ZNF141: variants seen among roughly 807,000 people sequenced by gnomAD.
The protein encoded by ZNF141 is zinc finger protein 141 (clone pHZ-44).
A neutral mutation model predicts 11.3 loss-of-function variants in ZNF141; 7 were observed. The observed-to-expected ratio is 0.62, with a 90% CI of 0.35 to 1.16. The LOEUF (loss-of-function observed/expected upper bound fraction) is 1.16. Ranked by LOEUF, ZNF141 falls within the 50% of genes most tolerant of loss-of-function variation. ZNF141 has a pLI of 0.02. For missense variants in ZNF141, 535 were observed against 554.0 expected (o/e 0.97, Z 0.34); for synonymous variants, 183 against 190.7 (o/e 0.96, Z 0.33).
rs1712808627 is a variant in ZNF141, at chr4:384,260, C to T, written c.*10398C>T. On this transcript the variant is annotated 3_prime_UTR_variant, in exon 4 of 4. Coordinates refer to ENST00000240499, the MANE Select transcript of ZNF141 (RefSeq NM_003441.4). ...CTGGAGGGCAAGGCTGTGAGGAGAT[C>T]TGAAGACATGGTGCTCTCTCTTCCT... The T allele has an allele frequency of 6.6e-6, 1 of 152,192 alleles. No homozygotes were observed. Among genetic ancestry groups the T allele is most frequent in the African/African-American group, 2.4e-5 (1 of 41,452 alleles). 9.4% of individuals were successfully genotyped at this position (152,192 alleles called of 1,614,324 possible). A position where few individuals can be genotyped will look rare whatever the true frequency, so the allele number is the denominator to read the frequency against.
intron 3 of ZNF141, among the ~76,000 whole-genome samples, chr4:362,186 G>A (rs1191945815): frequency 6.6e-6 from 1 of 152,168 alleles, no homozygotes; most frequent in Non-Finnish European, 1.5e-5. Context: ...CTTTTGAGAA[G>A]TGTCTGTTCA....
At chr4:369,397 T>G (rs184342497) in intron 3 of ZNF141, among the ~76,000 whole-genome samples, 1 of 152,296 alleles carries the variant, frequency 6.6e-6, no homozygotes, top group African/African-American at 2.4e-5. Flanking sequence ...TTCTTTCATC[T>G]TGCCTTTTTC....
chr4:338,180 C>T (rs2108677671), intron 1 of ZNF141, 194 bp downstream of exon 1: 1 of 612,876 alleles, frequency 1.6e-6, no homozygotes, highest in Non-Finnish European at 2.7e-6. Flanking sequence ...TGCAGCCCTC[C>T]TTGTGCAGCT....
At chr4:342,118 C>T (rs1279356907) in intron 1 of ZNF141, among the ~76,000 whole-genome samples, 2 of 151,998 alleles carry the variant, frequency 1.3e-5, no homozygotes, top group Non-Finnish European at 2.9e-5. Flanking sequence ...AATTCTGGGC[C>T]CTGCCTTTAA....
intron 1 of ZNF141, among the ~76,000 whole-genome samples, chr4:340,103 T>G (rs1720978135): frequency 6.6e-6 from 1 of 152,244 alleles, no homozygotes; most frequent in Non-Finnish European, 1.5e-5. Flanking sequence ...CTTGCTGTTC[T>G]ATTATTTTGG....
At chr4:359,367 C>T (rs1722003773) in intron 3 of ZNF141, among the ~76,000 whole-genome samples, 2 of 152,140 alleles carry the variant, frequency 1.3e-5, no homozygotes, top group Admixed American at 1.3e-4. Flanking sequence ...GGTGTGGCTC[C>T]TGCTGTTTGG....
chr4:368,858 T>A (rs1711882127), intron 3 of ZNF141, among the ~76,000 whole-genome samples: 1 of 152,252 alleles, frequency 6.6e-6, no homozygotes, highest in African/African-American at 2.4e-5. Context: ...TCATTGTTTC[T>A]TGAAATTCCA....
At chr4:344,252 T>G in intron 2 of ZNF141, 83 bp from the exon 3 acceptor site, 1 of 1,194,552 alleles carries the variant, frequency 8.4e-7, no homozygotes, top group Non-Finnish European at 1.2e-6. Context: ...ATAATATCTC[T>G]ATTCTGCTTA....
chr4:379,937 C>T lies in ZNF141; in HGVS notation c.*6075C>T, dbSNP rs1712539317. ...GAGCTCATAACATTGACTGTGTTAG[C>T]ATTTTCCAAAAATACATTATTGTTA... On this transcript the variant is annotated 3_prime_UTR_variant, in exon 4 of 4. Transcript: ENST00000240499. Among the ~76,000 whole-genome samples, 1 of 152,170 alleles carries T rather than the reference C, an allele frequency of 6.6e-6. No homozygotes were observed. Among genetic ancestry groups the T allele is most frequent in the South Asian group, 2.1e-4 (1 of 4,824 alleles).
At chr4:346,880 C>T (rs1721345607) in intron 3 of ZNF141, among the ~76,000 whole-genome samples, 3 of 120,844 alleles carry the variant, frequency 2.5e-5, no homozygotes, top group African/African-American at 7.3e-5. Context: ...TATATGTATA[C>T]ACACACACAC....
Position 374,042 on chromosome 4 carries a change from C to A in ZNF141, c.*180C>A. ...GAATTCATACCGGAGAGAAACTGTA[C>A]AAATGTGAAGAATATGGCAAAGCCT... On this transcript the variant is annotated 3_prime_UTR_variant, in exon 4 of 4. Transcript: ENST00000240499. 1 of 653,048 alleles carries A rather than the reference C, an allele frequency of 1.5e-6. No individual in the cohort carries two copies. The highest frequency in any genetic ancestry group is 2.9e-5 in the Admixed American group (1 of 34,364). The allele number at this position is 653,048 out of a possible 1,614,324, so 40.5% of individuals were successfully genotyped here.
rs189075288 is a variant in ZNF141 at position 370,054 on chromosome 4, T to C, written c.227-2610T>C. On this transcript the variant is annotated intron_variant, in intron 3 of 3. Coordinates refer to ENST00000240499, the MANE Select transcript of ZNF141 (RefSeq NM_003441.4). The stretch of plus-strand genomic sequence containing the variant: ...TGCTGGGATCACAGGCATGAGCCAC[T>C]GGGCCTGGCCAAAATAATATATTTT... Among the ~76,000 whole-genome samples the C allele has an allele frequency of 1.1e-3, 170 of 151,958 alleles. 6 individuals are homozygous for C. In the East Asian group the frequency reaches 0.03, roughly 27 times the overall value.
At position 379,065 on chromosome 4, in the gene ZNF141, G is replaced by A. The variant is rs1041248891; in HGVS notation, c.*5203G>A. On this transcript the variant is annotated 3_prime_UTR_variant, in exon 4 of 4. Coordinates refer to ENST00000240499, the MANE Select transcript of ZNF141 (RefSeq NM_003441.4). ...TCACTCTGTTGGCCAGGCTGGTCTC[G>A]AGCTCCTGTCCTCGTGATCCACGCA... Among the ~76,000 whole-genome samples the A allele has an allele frequency of 1.7e-4, 26 of 151,374 alleles. No individual in the cohort carries two copies. The highest frequency in any genetic ancestry group is 1.6e-3 in the Admixed American group (24 of 15,196).
At chr4:370,887 C>T (rs56033331) in intron 3 of ZNF141, among the ~76,000 whole-genome samples, 22,216 of 151,582 alleles carry the variant, frequency 0.15, 2,238 homozygotes, top group African/African-American at 0.28. Context: ...CCCACCACCA[C>T]GCCCAGCTAA....
In ZNF141 at chr4:380,529, G is replaced by A. The variant is rs1290101640; in HGVS notation, c.*6667G>A. Among the ~76,000 whole-genome samples, 1 of 151,974 alleles carries A rather than the reference G, an allele frequency of 6.6e-6. No homozygotes were observed. Among genetic ancestry groups the A allele is most frequent in the Non-Finnish European group, 1.5e-5 (1 of 68,002 alleles). On this transcript the variant is annotated 3_prime_UTR_variant, in exon 4 of 4. Coordinates refer to ENST00000240499, the MANE Select transcript of ZNF141 (RefSeq NM_003441.4). Reference sequence around the variant, plus strand: ...TAGCTGGGTGTGGTGTCAGGCGCCTGTAATCCCAGCTACTCAAGAGGTTGA... The same window carrying A: ...TAGCTGGGTGTGGTGTCAGGCGCCTATAATCCCAGCTACTCAAGAGGTTGA...
rs1308719888 is a variant in ZNF141 at position 373,624 on chromosome 4, A to G, written c.1187A>G (p.Lys396Arg). ...KKIHTGEKPY[K>R]CEECGKAFRR... Reference sequence around the variant, plus strand: ...ATTCATACTGGAGAGAAACCCTACAAATGTGAAGAATGTGGCAAAGCCTTT... The same window carrying G: ...ATTCATACTGGAGAGAAACCCTACAGATGTGAAGAATGTGGCAAAGCCTTT... The change falls in exon 4 of 4, where the codon AAA becomes AGA. Residue 396 changes from lysine to arginine, a missense_variant. Transcript: ENST00000240499. 1.2e-6 allele frequency: 2 copies of G among 1,613,862 alleles called. No homozygotes were observed. The highest frequency in any genetic ancestry group is 1.7e-6 in the Non-Finnish European group (2 of 1,179,976).
At chr4:347,039 CTTT>C (rs201885088) in intron 3 of ZNF141, among the ~76,000 whole-genome samples, 2 of 134,828 alleles carry the variant, frequency 1.5e-5, no homozygotes, top group Non-Finnish European at 1.6e-5. Flanking sequence ...TAGTTTTATT[CTTT>C]TTTTTTTTTT....
rs1553854211 is a variant in ZNF141, at chr4:374,041, A to G, written c.*179A>G. On this transcript the variant is annotated 3_prime_UTR_variant, in exon 4 of 4. Transcript: ENST00000240499. The stretch of plus-strand genomic sequence containing the variant: ...AGAATTCATACCGGAGAGAAACTGT[A>G]CAAATGTGAAGAATATGGCAAAGCC... 3.1e-6 allele frequency: 2 copies of G among 654,578 alleles called. No homozygotes were observed. The highest frequency in any genetic ancestry group is 2.7e-5 in the East Asian group (1 of 37,546). 40.5% of individuals were successfully genotyped at this position (654,578 alleles called of 1,614,324 possible). A position where few individuals can be genotyped will look rare whatever the true frequency, so the allele number is the denominator to read the frequency against.
chr4:378,835 A>ATT lies in ZNF141; in HGVS notation c.*4999_*5000dup, dbSNP rs570639890. Among the ~76,000 whole-genome samples, 1,167 of 78,594 alleles carry ATT rather than the reference A, an allele frequency of 0.015. 264 individuals are homozygous for ATT. The highest frequency in any genetic ancestry group is 0.061 in the African/African-American group (1,007 of 16,526). 51.6% of individuals were successfully genotyped at this position (78,594 alleles called of 152,430 possible). On this transcript the variant is annotated 3_prime_UTR_variant, in exon 4 of 4. Transcript: ENST00000240499. ...GTTGAATCCAAACAGTTTCTCAGTG[A>ATT]TTTTTTTTTTTTTTTTTTTTTTTTT...
Sources: allele counts gnomAD v4.1 joint callset (sites outside exome capture counted in the v4.1 genomes callset), GRCh38; gene constraint gnomAD v4.1.1; transcripts MANE v1.5; gene names NCBI Gene and HGNC (gene_info 2026-07-23, HGNC 2026-07-21).